SERPINA12: variants seen among roughly 807,000 people sequenced by gnomAD.
SERPINA12 encodes the protein serpin family A member 12, also known as serpin A12.
Under a neutral mutation model 25.9 loss-of-function variants are expected in SERPINA12, and 21 were observed. The observed-to-expected ratio is 0.81, with a 90% confidence interval of 0.58 to 1.17. SERPINA12 has a LOEUF of 1.17. Ranked by LOEUF, SERPINA12 falls within the 50% of genes most tolerant of loss-of-function variation. The pLI is 0.00. For missense variants in SERPINA12, 562 were observed against 508.3 expected, an observed-to-expected ratio of 1.11 and a Z score of -1.02; for synonymous variants, 220 against 196.0, an observed-to-expected ratio of 1.12 and a Z score of -1.02.
chr14:94,496,110 T>C lies in SERPINA12; in HGVS notation c.905+263A>G, dbSNP rs7144392. Among the ~76,000 whole-genome samples the C allele has an allele frequency of 0.096, 14,633 of 152,112 alleles. 736 individuals are homozygous for C. Among genetic ancestry groups the C allele is most frequent in the Non-Finnish European group, 0.12 (7,914 of 68,004 alleles). ...CCTTGAAGACTTGGCTCAAATGCTA[T>C]CTCCTCTATGAAGTCCTCCCTGACC... On this transcript the variant is annotated intron_variant, in intron 3 of 4. Transcript: ENST00000677451.
intron 1 of SERPINA12, chr14:94,503,334 A>C: frequency 1.0e-6 from 1 of 985,122 alleles, no homozygotes; most frequent in Non-Finnish European, 1.2e-6. Flanking sequence ...CCACTTGTTA[A>C]TTTGCCCTGT....
chr14:94,496,005 C>A (rs779509570), intron 3 of SERPINA12, among the ~76,000 whole-genome samples: 17 of 152,210 alleles, frequency 1.1e-4, no homozygotes, highest in Non-Finnish European at 2.2e-4. Flanking sequence ...CTACTCACAA[C>A]TCACAGCTCT....
At chr14:94,505,798 G>A (rs114110241) in intron 1 of SERPINA12, among the ~76,000 whole-genome samples, 3,629 of 152,318 alleles carry the variant, frequency 0.024, 57 homozygotes, top group African/African-American at 0.047. Context: ...TGCCCACTGA[G>A]CGACACGGGC....
At chr14:94,491,368 C>T (rs1334223081) in intron 3 of SERPINA12, among the ~76,000 whole-genome samples, 1 of 152,144 alleles carries the variant, frequency 6.6e-6, no homozygotes, top group Non-Finnish European at 1.5e-5. Flanking sequence ...GAGAGTTAGA[C>T]AAATTGGGGT....
intron 3 of SERPINA12, among the ~76,000 whole-genome samples, chr14:94,495,902 A>T (rs894995317): frequency 6.6e-6 from 1 of 152,132 alleles, no homozygotes; most frequent in Non-Finnish European, 1.5e-5. Context: ...AAAGAAAAAT[A>T]TTTACTCTCT....
Position 94,489,708 on chromosome 14 carries a change from G to C in SERPINA12, c.965C>G (p.Thr322Ser), listed in dbSNP as rs780099551. ...TTTGGAGACACCTATGTAGGAGAGA[G>C]TCTTCTTCAGGTCGAAGGTGCCCGT... is the stretch of plus-strand genomic sequence containing the variant. ...HMTGTFDLKK[T>S]LSYIGVSKIF... The change falls in exon 4 of 5, where the codon ACT becomes AGT. Residue 322 changes from threonine to serine, a missense_variant. Coordinates refer to ENST00000677451, the MANE Select transcript of SERPINA12 (RefSeq NM_001382267.1). The C allele has an allele frequency of 6.2e-7, 1 of 1,614,194 alleles. No homozygotes were observed. Among genetic ancestry groups the C allele is most frequent in the African/African-American group, 1.3e-5 (1 of 75,044 alleles).
chr14:94,503,861 C>T (rs1044479130), intron 1 of SERPINA12, among the ~76,000 whole-genome samples: 5 of 152,154 alleles, frequency 3.3e-5, no homozygotes, highest in Non-Finnish European at 2.9e-5. Flanking sequence ...ATTGGAGGCA[C>T]CACTTATGTC....
chr14:94,509,949 A>G, upstream of SERPINA12: 1 of 984,518 alleles, frequency 1.0e-6, no homozygotes, highest in Non-Finnish European at 1.2e-6. Context: ...ATAGAATACC[A>G]GCCGCCTGGC....
intron 1 of SERPINA12, among the ~76,000 whole-genome samples, chr14:94,504,798 CTA>C (rs1193376610): frequency 2.0e-5 from 3 of 152,194 alleles, no homozygotes; most frequent in African/African-American, 7.2e-5. Flanking sequence ...GGTGATGAGA[CTA>C]TGGCTGAACT....
chr14:94,512,951 C>G (rs1901146066), upstream of SERPINA12, among the ~76,000 whole-genome samples: 1 of 152,176 alleles, frequency 6.6e-6, no homozygotes, highest in African/African-American at 2.4e-5. Context: ...AATACGCAAG[C>G]CCACACATCT....
intron 1 of SERPINA12, among the ~76,000 whole-genome samples, chr14:94,516,742 C>A (rs1379900534): frequency 6.6e-6 from 1 of 152,176 alleles, no homozygotes; most frequent in African/African-American, 2.4e-5. Flanking sequence ...AGACCTATTG[C>A]CTTTGCACTC....
Position 94,487,387 on chromosome 14 carries a change from G to T in SERPINA12, c.1161C>A (p.Asp387Glu). Residue 387 changes from aspartate (D) to glutamate (E), a missense_variant, in exon 5 of 5, where the codon GAC becomes GAA. Coordinates refer to ENST00000677451, the MANE Select transcript of SERPINA12 (RefSeq NM_001382267.1). ...PMETPLVVKIDKPYLLLIYSE... is the reference protein window; with the variant it reads ...PMETPLVVKIEKPYLLLIYSE... Reference sequence around the variant, plus strand: ...TGTAAATCAGCAGCAGATAGGGTTTGTCTATCTTGACGACGAGTGGTGTCT... The same window carrying T: ...TGTAAATCAGCAGCAGATAGGGTTTTTCTATCTTGACGACGAGTGGTGTCT... 1 of 1,614,080 alleles carries T rather than the reference G, an allele frequency of 6.2e-7. No individual in the cohort carries two copies. Among genetic ancestry groups the T allele is most frequent in the Non-Finnish European group, 8.5e-7 (1 of 1,179,932 alleles).
upstream of SERPINA12, chr14:94,509,908 C>G (rs1278568285): frequency 1.2e-6 from 1 of 866,108 alleles, no homozygotes; most frequent in African/African-American, 1.8e-5. Flanking sequence ...TGGGACAGGA[C>G]AGGAATGGGT....
intron 3 of SERPINA12, among the ~76,000 whole-genome samples, chr14:94,491,649 G>C (rs1440484339): frequency 6.6e-6 from 1 of 152,100 alleles, no homozygotes; most frequent in African/African-American, 2.4e-5. Flanking sequence ...TTTCCTGACA[G>C]ACTGAATGAG....
chr14:94,502,421 G>A lies in SERPINA12; in HGVS notation c.-33-3991C>T, dbSNP rs116988977. Among the ~76,000 whole-genome samples the A allele has an allele frequency of 4.2e-3, 645 of 152,258 alleles. 5 individuals are homozygous for A. Among genetic ancestry groups the A allele is most frequent in the Non-Finnish European group, 5.5e-3 (372 of 68,034 alleles). ...TCCACCTCCCACACCGTCCCGATCA[G>A]CCAACTGAAGCAACAGTGAGCTGTG... On this transcript the variant is annotated intron_variant, in intron 1 of 4. Transcript: ENST00000677451.
chr14:94,489,246 GAGAAAGAGAGAA>G (rs1566803871), intron 4 of SERPINA12, among the ~76,000 whole-genome samples: 1 of 151,502 alleles, frequency 6.6e-6, no homozygotes. Context: ...GAAAGAGAGA[GAGAAAGAGAGAA>G]AGAAAGAGAA....
At chr14:94,514,975 C>T (rs1390857803) in intron 2 of SERPINA12, among the ~76,000 whole-genome samples, 7 of 152,122 alleles carry the variant, frequency 4.6e-5, no homozygotes, top group South Asian at 4.1e-4. Context: ...CCACGGTGGC[C>T]GGAGAAATGG....
At chr14:94,495,409 A>C (rs916274953) in intron 3 of SERPINA12, among the ~76,000 whole-genome samples, 1 of 152,134 alleles carries the variant, frequency 6.6e-6, no homozygotes, top group African/African-American at 2.4e-5. Context: ...TCTAGATATA[A>C]GAGATGCATT....
At chr14:94,513,405 G>C (rs1192253668), upstream of SERPINA12, among the ~76,000 whole-genome samples, 2 of 152,204 alleles carry the variant, frequency 1.3e-5, no homozygotes, top group Middle Eastern at 3.2e-3. Context: ...AGCAGAGCGG[G>C]AGGACCTGAG....
Sources: gnomAD v4.1 joint callset for allele counts (sites outside exome capture counted in the v4.1 genomes callset) on GRCh38, gnomAD v4.1.1 for gene constraint, MANE v1.5 for transcripts, NCBI Gene and HGNC (gene_info 2026-07-23, HGNC 2026-07-21) for gene names.